The following GDF6 variants were observed in gnomAD, a reference collection of about 807,000 sequenced individuals.
GDF6 encodes growth/differentiation factor 6.
In GDF6, 3 loss-of-function variants were observed where a neutral mutation model predicts 32.4. That is an observed-to-expected ratio of 0.09 (90% CI 0.04 to 0.24). The LOEUF (loss-of-function observed/expected upper bound fraction) is 0.24. GDF6 is among the 10% of genes least tolerant of loss of function. The pLI is 1.00. For missense variants in GDF6, 589 were observed against 637.9 expected (o/e 0.92, Z 0.83); for synonymous variants, 296 against 295.3 (o/e 1.00, Z -0.03).
rs753261852 is a variant in GDF6 at position 96,144,626 on chromosome 8, C to T, written c.1305G>A (p.Ala435=). The T allele has an allele frequency of 6.2e-7, 1 of 1,614,022 alleles. No homozygotes were observed. Among genetic ancestry groups the T allele is most frequent in the East Asian group, 2.2e-5 (1 of 44,844 alleles). ...ACTGCTTGTAGACCACATTATTGCC[C>T]GCGTCGATGTATAGAATGCTGATGG... ...LTPISILYID[A]GNNVVYKQYE... is the part of the protein sequence containing the mutation. Residue 435 remains alanine, a synonymous_variant, in exon 2 of 2, where the codon GCG becomes GCA. Coordinates refer to ENST00000287020, the MANE Select transcript of GDF6 (RefSeq NM_001001557.4). This position sits in a 1 kb window ranked among gnomAD's most constrained non-coding sequence, Gnocchi z 5.1.
rs1812740934 is a variant in GDF6 at position 96,160,451 on chromosome 8, C to A, written c.242G>T (p.Arg81Leu). The A allele has an allele frequency of 1.2e-6, 2 of 1,613,488 alleles. No individual in the cohort carries two copies. The highest frequency in any genetic ancestry group is 1.7e-5 in the Admixed American group (1 of 59,992). Residue 81 changes from arginine to leucine, a missense_variant, in exon 1 of 2, where the codon CGG becomes CTG. By Grantham distance (102) the Arg-to-Leu change is moderately radical (BLOSUM62 -2). Around this residue, in one of 2 missense-constraint regions of GDF6, gnomAD observed 436 missense variants for 411.2 expected, o/e 1.06. Coordinates refer to ENST00000287020, the MANE Select transcript of GDF6 (RefSeq NM_001001557.4). ...PQDEPRAQQP[R>L]AQEPPGRGPR... is the part of the protein sequence containing the mutation. ...ACCCCTGCCTGGCGGCTCCTGCGCC[C>A]GGGGCTGCTGAGCCCGGGGTTCGTC...
rs1173921359 is a variant in GDF6, at chr8:96,145,898, GCTCGTT to G, written c.407-380_407-375del. On this transcript the variant is annotated intron_variant, in intron 1 of 1. Transcript: ENST00000287020. This position sits in a 1 kb window ranked among gnomAD's most constrained non-coding sequence, Gnocchi z 5.6. ...CCTAGACCTCCTCTGGGCTGGGCTG[GCTCGTT>G]CTCGTTGACGTCTCAAATGTCACCT... 1.3e-5 allele frequency among the ~76,000 whole-genome samples: 2 copies of G among 152,208 alleles called. No homozygotes were observed. Among genetic ancestry groups the G allele is most frequent in the Non-Finnish European group, 2.9e-5 (2 of 68,034 alleles).
chr8:96,158,829 A>G lies in GDF6; in HGVS notation c.406+1458T>C, dbSNP rs140386851. Among the ~76,000 whole-genome samples the G allele has an allele frequency of 2.9e-3, 441 of 152,360 alleles. 2 individuals carry two copies. Among genetic ancestry groups the G allele is most frequent in the Non-Finnish European group, 5.0e-3 (340 of 68,044 alleles). ...ATGTCTTTGCAAAGGTGACTTTAGT[A>G]GCCCTAAAATCATCATAAAATACCT... is the stretch of plus-strand genomic sequence containing the variant. On this transcript the variant is annotated intron_variant, in intron 1 of 1. Coordinates refer to ENST00000287020, the MANE Select transcript of GDF6 (RefSeq NM_001001557.4).
chr8:96,146,017 C>T (rs1812479571), intron 1 of GDF6, among the ~76,000 whole-genome samples: 1 of 152,154 alleles, frequency 6.6e-6, no homozygotes, highest in African/African-American at 2.4e-5. Context: ...CTTCCCAGTA[C>T]TTAGGATTAT....
At position 96,160,633 on chromosome 8, in the gene GDF6, C is replaced by T. The variant is rs760057321; in HGVS notation, c.60G>A (p.Leu20=). The change falls in exon 1 of 2, where the codon TTG becomes TTA. Residue 20 remains leucine, a synonymous_variant. Transcript: ENST00000287020. ...AGATGGAAGCCTGCTGGAAACCGGG[C>T]AAATCCCACAGAAAACTGATGAGGA... ...AVFLISFLWD[L]PGFQQASISS... 1 of 1,613,724 alleles carries T rather than the reference C, an allele frequency of 6.2e-7. No individual in the cohort carries two copies. Among genetic ancestry groups the T allele is most frequent in the Non-Finnish European group, 8.5e-7 (1 of 1,179,696 alleles).
chr8:96,160,599 A>G lies in GDF6; in HGVS notation c.94T>C (p.Ser32Pro). The change falls in exon 1 of 2, where the codon TCG becomes CCG. Residue 32 changes from serine to proline, a missense_variant. Physicochemically the swap from Ser to Pro is moderately conservative, Grantham distance 74 (BLOSUM62 -1). Transcript: ENST00000287020. ...GTGGAACCCAGCTCGGCGGACGACGAGGAGGATGAGATGGAAGCCTGCTGG... is the reference window on the plus strand; with the variant it reads ...GTGGAACCCAGCTCGGCGGACGACGGGGAGGATGAGATGGAAGCCTGCTGG... ...GFQQASISSS[S>P]SSAELGSTKG... 6.2e-7 allele frequency: 1 copy of G among 1,613,650 alleles called. No homozygotes were observed.
At chr8:96,151,708 G>A (rs1291279186) in intron 1 of GDF6, among the ~76,000 whole-genome samples, 2 of 152,226 alleles carry the variant, frequency 1.3e-5, no homozygotes, top group Non-Finnish European at 2.9e-5. Flanking sequence ...ATGAGATAAG[G>A]TGTGAGAGAA....
rs1812746760 is a variant in GDF6, at chr8:96,160,700, A to G, written c.-8T>C. ...GACCCTGGGAGTATCCATGGCGGGC[A>G]AGTGGCTGCGTCTCCCCAGGAGGCG... On this transcript the variant is annotated 5_prime_UTR_variant, in exon 1 of 2. Transcript: ENST00000287020. The G allele has an allele frequency of 6.2e-7, 1 of 1,613,038 alleles. No homozygotes were observed. The highest frequency in any genetic ancestry group is 1.1e-5 in the South Asian group (1 of 91,068).
chr8:96,157,396 G>T (rs927278768), intron 1 of GDF6, among the ~76,000 whole-genome samples: 1 of 152,138 alleles, frequency 6.6e-6, no homozygotes, highest in Non-Finnish European at 1.5e-5. Flanking sequence ...GGGTTTCCGG[G>T]GTAAGGAAGG....
Position 96,145,669 on chromosome 8 carries a change from C to T in GDF6, c.407-145G>A. 6.5e-6 allele frequency: 6 copies of T among 923,222 alleles called. No individual in the cohort carries two copies. The highest frequency in any genetic ancestry group is 9.9e-6 in the Non-Finnish European group (6 of 606,224). 57.2% of individuals were successfully genotyped at this position (923,222 alleles called of 1,614,324 possible). On this transcript the variant is annotated intron_variant, in intron 1 of 1. Transcript: ENST00000287020. The surrounding 1 kb of genome is among the most constrained non-coding windows in gnomAD (Gnocchi z 5.6). ...CTTGCCCGGCCCAGGGCCTGACCACCCCGGCTCCCCATCTGGCTGGTGCAT... is the reference window on the plus strand; with the variant it reads ...CTTGCCCGGCCCAGGGCCTGACCACTCCGGCTCCCCATCTGGCTGGTGCAT...
At chr8:96,160,139 C>T in intron 1 of GDF6, 148 bp downstream of exon 1, 1 of 878,986 alleles carries the variant, frequency 1.1e-6, no homozygotes, top group Non-Finnish European at 1.9e-6. Context: ...CAGAAACTTA[C>T]TCGAGCTTGA....
In GDF6 at chr8:96,144,746, C is replaced by T; in HGVS notation, c.1185G>A (p.Leu395=). 6.2e-7 allele frequency: 1 copy of T among 1,614,176 alleles called. No individual in the cohort carries two copies. The highest frequency in any genetic ancestry group is 8.5e-7 in the Non-Finnish European group (1 of 1,180,028). ...GGATGATGGCGTGGTTGGTGGGCTC[C>T]AGGTGCGAGCGCAGCGGGAAGTCGC... ...GVCDFPLRSH[L]EPTNHAIIQT... The change falls in exon 2 of 2, where the codon CTG becomes CTA. Residue 395 remains leucine, a synonymous_variant. Coordinates refer to ENST00000287020, the MANE Select transcript of GDF6 (RefSeq NM_001001557.4). The surrounding 1 kb of genome is among the most constrained non-coding windows in gnomAD (Gnocchi z 5.1).
chr8:96,152,273 C>T (rs964132222), intron 1 of GDF6, among the ~76,000 whole-genome samples: 1 of 152,224 alleles, frequency 6.6e-6, no homozygotes, highest in Non-Finnish European at 1.5e-5. Context: ...ACTGCTGTCC[C>T]TCCCACAGTG....
Position 96,160,369 on chromosome 8 carries a change from A to C in GDF6, c.324T>G (p.Ala108=). ...MLSIYRTYSI[A]EKLGINASFF... ...AGCTGGCATTGATGCCCAGCTTCTCAGCGATGGAGTAAGTCCTGTAGATTG... is the reference window on the plus strand; with the variant it reads ...AGCTGGCATTGATGCCCAGCTTCTCCGCGATGGAGTAAGTCCTGTAGATTG... The change falls in exon 1 of 2, where the codon GCT becomes GCG. Residue 108 remains alanine (A), a synonymous_variant. Transcript: ENST00000287020. 3.7e-6 allele frequency: 6 copies of C among 1,614,208 alleles called. No homozygotes were observed. The highest frequency in any genetic ancestry group is 5.1e-6 in the Non-Finnish European group (6 of 1,180,034).
In GDF6 at chr8:96,160,625, A is replaced by T; in HGVS notation, c.68T>A (p.Phe23Tyr). 2.5e-6 allele frequency: 4 copies of T among 1,613,744 alleles called. No homozygotes were observed. The highest frequency in any genetic ancestry group is 3.4e-6 in the Non-Finnish European group (4 of 1,179,708). ...LISFLWDLPG[F>Y]QQASISSSSS... The stretch of plus-strand genomic sequence containing the variant: ...GGAGGATGAGATGGAAGCCTGCTGG[A>T]AACCGGGCAAATCCCACAGAAAACT... Residue 23 changes from phenylalanine (F) to tyrosine (Y), a missense_variant, in exon 1 of 2, where the codon TTC (phenylalanine) becomes TAC (tyrosine). Coordinates refer to ENST00000287020, the MANE Select transcript of GDF6 (RefSeq NM_001001557.4).
intron 1 of GDF6, among the ~76,000 whole-genome samples, chr8:96,157,485 C>T (rs1421009145): frequency 2.6e-5 from 4 of 152,210 alleles, no homozygotes; most frequent in Non-Finnish European, 5.9e-5. Flanking sequence ...TTTCTTCGCT[C>T]CTCCCCTTGG....
intron 1 of GDF6, among the ~76,000 whole-genome samples, chr8:96,152,875 GTAGACTCCAC>G (rs1812591672): frequency 6.6e-6 from 1 of 152,196 alleles, no homozygotes; most frequent in Admixed American, 6.5e-5. Flanking sequence ...CCTGGGCCTT[GTAGACTCCAC>G]AAGTTAAGTG....
rs755472115 is a variant in GDF6, at chr8:96,144,786, T to A, written c.1145A>T (p.His382Leu). ...IIAPLEYEAY[H>L]CEGVCDFPLR... The stretch of plus-strand genomic sequence containing the variant: ...CGGGAAGTCGCATACACCCTCGCAG[T>A]GATAGGCCTCGTACTCCAGGGGCGC... The change falls in exon 2 of 2, where the codon CAC (histidine) becomes CTC (leucine). Residue 382 changes from histidine (H) to leucine (L), a missense_variant. His to Leu is a moderately conservative substitution (Grantham distance 99). Around this residue, in one of 2 missense-constraint regions of GDF6, gnomAD observed 153 missense variants for 226.7 expected, o/e 0.67. Coordinates refer to ENST00000287020, the MANE Select transcript of GDF6 (RefSeq NM_001001557.4). This position sits in a 1 kb window ranked among gnomAD's most constrained non-coding sequence, Gnocchi z 5.1. 2.7e-5 allele frequency: 44 copies of A among 1,613,968 alleles called. No individual in the cohort carries two copies. Among genetic ancestry groups the A allele is most frequent in the Non-Finnish European group, 3.6e-5 (43 of 1,180,018 alleles).
intron 1 of GDF6, among the ~76,000 whole-genome samples, chr8:96,156,377 CCTCTCTCTCT>C (rs10569146): frequency 0.038 from 5,284 of 140,680 alleles, 161 homozygotes; most frequent in African/African-American, 0.079. Flanking sequence ...TCTCTCTTTC[CCTCTCTCTCT>C]CTCTCTCTCT....
Sources: gnomAD v4.1 joint callset for allele counts (sites outside exome capture counted in the v4.1 genomes callset) on GRCh38, gnomAD v4.1.1 for gene constraint, gnomAD v4.1.1 regional missense constraint, Gnocchi (gnomAD v3.1) non-coding constraint, MANE v1.5 for transcripts, NCBI Gene and HGNC (gene_info 2026-07-23, HGNC 2026-07-21) for gene names.